SMAD1: variants seen among roughly 807,000 people sequenced by gnomAD.
SMAD1 encodes MAD, mothers against decapentaplegic homolog 1.
In SMAD1, 6 loss-of-function variants were observed where a neutral mutation model predicts 41.6. The observed-to-expected ratio is 0.14, with a 90% CI of 0.08 to 0.28. The LOEUF is 0.28. SMAD1 is among the 10% of genes least tolerant of loss of function. SMAD1 has a pLI of 1.00. For synonymous variants in SMAD1, 206 were observed against 203.2 expected, an observed-to-expected ratio of 1.01 and a Z score of -0.12; for missense variants, 379 against 582.6, an observed-to-expected ratio of 0.65 and a Z score of 3.60.
At chr4:145,550,661 G>C (rs1263286259) in intron 5 of SMAD1, among the ~76,000 whole-genome samples, 1 of 152,112 alleles carries the variant, frequency 6.6e-6, no homozygotes, top group Non-Finnish European at 1.5e-5. Context: ...CTATTCAAAT[G>C]ATATGATTAT....
intron 1 of SMAD1, among the ~76,000 whole-genome samples, chr4:145,509,287 G>A (rs774079520): frequency 8.5e-5 from 13 of 152,236 alleles, no homozygotes; most frequent in Non-Finnish European, 1.8e-4. Flanking sequence ...AGCTCCTCCA[G>A]TATGTTAGAC....
At chr4:145,526,897 G>A (rs1162035717) in intron 2 of SMAD1, among the ~76,000 whole-genome samples, 1 of 152,124 alleles carries the variant, frequency 6.6e-6, no homozygotes, top group African/African-American at 2.4e-5. Flanking sequence ...TGTCCTCTTT[G>A]AGCTTGTGTT....
chr4:145,486,146 T>C (rs753741335), intron 1 of SMAD1, among the ~76,000 whole-genome samples: 33 of 152,240 alleles, frequency 2.2e-4, no homozygotes, highest in Non-Finnish European at 3.7e-4. Context: ...TTACCTTCTA[T>C]TGTGCCTTTC....
At chr4:145,515,159 TG>T (rs1730306831) in intron 2 of SMAD1, 146 bp downstream of exon 2, 1 of 715,742 alleles carries the variant, frequency 1.4e-6, no homozygotes. Flanking sequence ...TGTGTGTGTG[TG>T]TGTGTGTGTG....
intron 1 of SMAD1, among the ~76,000 whole-genome samples, chr4:145,507,071 A>G (rs975223549): frequency 6.6e-6 from 1 of 152,076 alleles, no homozygotes; most frequent in African/African-American, 2.4e-5. Context: ...GCTTTAAACT[A>G]CATTATATTT....
At chr4:145,540,927 A>G (rs561549166) in intron 3 of SMAD1, among the ~76,000 whole-genome samples, 3 of 152,224 alleles carry the variant, frequency 2.0e-5, no homozygotes, top group Admixed American at 2.0e-4. Context: ...TCAAAAATTG[A>G]AAAGTGGTCC....
At chr4:145,496,124 T>C (rs1729061371) in intron 1 of SMAD1, among the ~76,000 whole-genome samples, 1 of 152,126 alleles carries the variant, frequency 6.6e-6, no homozygotes, top group Non-Finnish European at 1.5e-5. Flanking sequence ...CTTGTTTTTT[T>C]TTTCATGTTC....
intron 3 of SMAD1, among the ~76,000 whole-genome samples, chr4:145,542,025 T>G (rs1489420706): frequency 6.6e-6 from 1 of 152,270 alleles, no homozygotes; most frequent in South Asian, 2.1e-4. Context: ...CTAGAGATTT[T>G]AAAGCTAGTG....
chr4:145,538,235 G>A (rs1013497191), intron 2 of SMAD1, among the ~76,000 whole-genome samples: 1 of 152,168 alleles, frequency 6.6e-6, no homozygotes, highest in Non-Finnish European at 1.5e-5. Flanking sequence ...ATTGGCATTG[G>A]GGATCCCTTA....
intron 1 of SMAD1, among the ~76,000 whole-genome samples, chr4:145,495,811 T>C (rs923291323): frequency 2.7e-5 from 4 of 147,238 alleles, no homozygotes; most frequent in Admixed American, 2.0e-4. Context: ...ATAAAGGCTA[T>C]GTTGCCCAGG....
At chr4:145,500,155 T>C (rs139010732) in intron 1 of SMAD1, among the ~76,000 whole-genome samples, 221 of 152,306 alleles carry the variant, frequency 1.5e-3, no homozygotes, top group African/African-American at 5.1e-3. Context: ...CATAGCTTCC[T>C]AACTGGTCTC....
intron 1 of SMAD1, among the ~76,000 whole-genome samples, chr4:145,488,126 T>G (rs922677912): frequency 2.0e-5 from 3 of 152,156 alleles, no homozygotes; most frequent in African/African-American, 7.2e-5. Context: ...GGAACTTTTT[T>G]TTTTTTAATA....
chr4:145,544,807 C>G (rs957426665), intron 4 of SMAD1: 4 of 152,088 alleles, frequency 2.6e-5, no homozygotes, highest in Non-Finnish European at 4.4e-5. Flanking sequence ...TCTCACACAT[C>G]TGTGGAATTT....
At chr4:145,485,581 A>G (rs770492125) in intron 1 of SMAD1, among the ~76,000 whole-genome samples, 2 of 152,102 alleles carry the variant, frequency 1.3e-5, no homozygotes, top group Non-Finnish European at 2.9e-5. Context: ...TAACTCTACT[A>G]ATGATTTGTG....
At chr4:145,538,217 A>C (rs1450810711) in intron 2 of SMAD1, among the ~76,000 whole-genome samples, 1 of 152,224 alleles carries the variant, frequency 6.6e-6, no homozygotes, top group Non-Finnish European at 1.5e-5. Context: ...TTTGGAATAT[A>C]AATTTTTATT....
intron 3 of SMAD1, among the ~76,000 whole-genome samples, chr4:145,540,816 C>G (rs182232124): frequency 3.2e-4 from 48 of 150,832 alleles, no homozygotes; most frequent in Admixed American, 1.8e-3. Context: ...TACTTAACAT[C>G]TATTAATGTT....
At chr4:145,484,393 T>A (rs1048116581) in intron 1 of SMAD1, 1 of 152,204 alleles carries the variant, frequency 6.6e-6, no homozygotes, top group Admixed American at 6.5e-5. Context: ...ACTGAACTGG[T>A]GCAAAATGAT....
At chr4:145,520,389 G>C (rs1449035303) in intron 2 of SMAD1, among the ~76,000 whole-genome samples, 1 of 152,220 alleles carries the variant, frequency 6.6e-6, no homozygotes, top group African/African-American at 2.4e-5. Context: ...TACTGAATCA[G>C]ACTCTGGAGA....
intron 2 of SMAD1, among the ~76,000 whole-genome samples, chr4:145,515,519 T>C (rs1730334887): frequency 6.6e-6 from 1 of 152,148 alleles, no homozygotes; most frequent in Non-Finnish European, 1.5e-5. Flanking sequence ...CTTTTTATCA[T>C]CTCTGGCGGA....
Sources: gnomAD v4.1 joint callset for allele counts (sites outside exome capture counted in the v4.1 genomes callset) on GRCh38, gnomAD v4.1.1 for gene constraint, MANE v1.5 for transcripts, NCBI Gene and HGNC (gene_info 2026-07-23, HGNC 2026-07-21) for gene names.